Variants in CDH20 observed in about 807,000 individuals in gnomAD.
CDH20 encodes the protein cadherin 20.
A neutral mutation model predicts 74.2 loss-of-function variants in CDH20; 29 were observed. That is an observed-to-expected ratio of 0.39 (90% CI 0.29 to 0.53). The LOEUF (loss-of-function observed/expected upper bound fraction) is 0.53, where lower values mean the gene tolerates loss of function less well. Among genes scored for constraint, CDH20 ranks in the 20% least tolerant of loss-of-function variants. CDH20 has a pLI of 0.69. For synonymous variants in CDH20, 469 were observed against 405.4 expected, an observed-to-expected ratio of 1.16 and a Z score of -1.88; for missense variants, 988 against 1,048.3, an observed-to-expected ratio of 0.94 and a Z score of 0.79.
At chr18:61,479,167 ATT>A (rs898365702) in intron 1 of CDH20, among the ~76,000 whole-genome samples, 1 of 151,924 alleles carries the variant, frequency 6.6e-6, no homozygotes, top group African/African-American at 2.4e-5. Context: ...GTTCTTTTAA[ATT>A]TTTGAGTCAG....
At chr18:61,535,674 C>T (rs1912795944) in intron 7 of CDH20, among the ~76,000 whole-genome samples, 1 of 152,164 alleles carries the variant, frequency 6.6e-6, no homozygotes, top group Non-Finnish European at 1.5e-5. Context: ...GGCACAGGTG[C>T]CTATAAATGT....
At chr18:61,341,630 C>T (rs1374746273) in intron 1 of CDH20, among the ~76,000 whole-genome samples, 1 of 152,162 alleles carries the variant, frequency 6.6e-6, no homozygotes, top group African/African-American at 2.4e-5. Flanking sequence ...CCATCATTAC[C>T]TCATTGAAAG....
intron 1 of CDH20, among the ~76,000 whole-genome samples, chr18:61,382,012 A>G (rs1222029724): frequency 1.3e-5 from 2 of 151,904 alleles, no homozygotes; most frequent in African/African-American, 2.4e-5. Context: ...CATATCCAAA[A>G]CGTCTCTTGG....
At chr18:61,334,564 G>C (rs1671853898) in intron 1 of CDH20, among the ~76,000 whole-genome samples, 1 of 152,156 alleles carries the variant, frequency 6.6e-6, no homozygotes, top group African/African-American at 2.4e-5. Flanking sequence ...GTCAAATGGG[G>C]CTAAAGTTTC....
chr18:61,423,292 G>A (rs1912952191), intron 1 of CDH20, among the ~76,000 whole-genome samples: 1 of 152,162 alleles, frequency 6.6e-6, no homozygotes, highest in South Asian at 2.1e-4. Flanking sequence ...TTCAGCTAGG[G>A]CAGCCCCCAT....
intron 1 of CDH20, among the ~76,000 whole-genome samples, chr18:61,456,695 T>A (rs1471292446): frequency 6.6e-6 from 1 of 151,626 alleles, no homozygotes; most frequent in Non-Finnish European, 1.5e-5. Context: ...GATTAATGAG[T>A]CTGTCTCAGG....
intron 1 of CDH20, among the ~76,000 whole-genome samples, chr18:61,423,980 C>A (rs1047250170): frequency 1.3e-5 from 2 of 152,140 alleles, no homozygotes; most frequent in African/African-American, 4.8e-5. Context: ...CAAGTATACC[C>A]TTCTTCGCTT....
chr18:61,349,784 G>A (rs1450483382), intron 1 of CDH20, among the ~76,000 whole-genome samples: 1 of 151,678 alleles, frequency 6.6e-6, no homozygotes, highest in East Asian at 1.9e-4. Flanking sequence ...AAGAGAGAAG[G>A]GCAAACAATA....
chr18:61,453,884 A>C (rs975079154), intron 1 of CDH20, among the ~76,000 whole-genome samples: 4 of 152,284 alleles, frequency 2.6e-5, no homozygotes, highest in African/African-American at 9.6e-5. Flanking sequence ...AAACTGCCAA[A>C]GTATTTTCCA....
At chr18:61,347,290 ATAT>A (rs1910144428) in intron 1 of CDH20, among the ~76,000 whole-genome samples, 3 of 42,714 alleles carry the variant, frequency 7.0e-5, no homozygotes, top group African/African-American at 2.8e-4. Flanking sequence ...CTCTGCTAAT[ATAT>A]ATATATATAT....
intron 1 of CDH20, among the ~76,000 whole-genome samples, chr18:61,380,034 C>G (rs1169131787): frequency 6.6e-6 from 1 of 152,114 alleles, no homozygotes; most frequent in African/African-American, 2.4e-5. Flanking sequence ...CAGGCAGACA[C>G]GCGGATGTTT....
At chr18:61,457,403 T>TA (rs1242144137) in intron 1 of CDH20, among the ~76,000 whole-genome samples, 1 of 151,984 alleles carries the variant, frequency 6.6e-6, no homozygotes, top group Non-Finnish European at 1.5e-5. Flanking sequence ...AAAAGTCAGG[T>TA]ATTCTTATTA....
intron 1 of CDH20, among the ~76,000 whole-genome samples, chr18:61,461,446 T>C (rs2144359000): frequency 6.6e-6 from 1 of 152,190 alleles, no homozygotes. Context: ...AGGAGCTGCC[T>C]TGGCTCCTCC....
intron 1 of CDH20, among the ~76,000 whole-genome samples, chr18:61,431,551 G>A (rs905520645): frequency 6.6e-6 from 1 of 152,100 alleles, no homozygotes; most frequent in Non-Finnish European, 1.5e-5. Flanking sequence ...GGGTATATGA[G>A]AACTCTGTAA....
intron 1 of CDH20, among the ~76,000 whole-genome samples, chr18:61,389,663 T>G (rs1911706813): frequency 6.6e-6 from 1 of 152,202 alleles, no homozygotes. Flanking sequence ...CTTGCTGAAA[T>G]GGATGAATAA....
At chr18:61,417,578 TAAAAAAAA>T (rs545256689) in intron 1 of CDH20, among the ~76,000 whole-genome samples, 53 of 62,328 alleles carry the variant, frequency 8.5e-4, no homozygotes, top group African/African-American at 3.6e-3. Flanking sequence ...ATGTGGGAGC[TAAAAAAAA>T]AAAAAAAAAA....
intron 1 of CDH20, among the ~76,000 whole-genome samples, chr18:61,461,030 A>AT (rs1395272513): frequency 2.6e-5 from 4 of 152,148 alleles, no homozygotes; most frequent in Non-Finnish European, 5.9e-5. Flanking sequence ...TAATACATTA[A>AT]TTTTTTAGTT....
At chr18:61,541,957 A>C (rs1913057455) in intron 9 of CDH20, among the ~76,000 whole-genome samples, 1 of 145,192 alleles carries the variant, frequency 6.9e-6, no homozygotes. Context: ...ATGCGCTCCC[A>C]ACCCAGACTT....
chr18:61,504,238 G>C (rs1182960010), intron 5 of CDH20, among the ~76,000 whole-genome samples: 1 of 152,200 alleles, frequency 6.6e-6, no homozygotes, highest in African/African-American at 2.4e-5. Context: ...AGGAGCAGGG[G>C]AGTCGGTTAG....
Sources: gnomAD v4.1 joint callset for allele counts (sites outside exome capture counted in the v4.1 genomes callset) on GRCh38, gnomAD v4.1.1 for gene constraint, MANE v1.5 for transcripts, NCBI Gene and HGNC (gene_info 2026-07-23, HGNC 2026-07-21) for gene names.